DYM: variants seen among roughly 807,000 people sequenced by gnomAD.
DYM encodes the protein dymeclin.
A neutral mutation model predicts 93.1 loss-of-function variants in DYM; 78 were observed. The observed-to-expected ratio is 0.84, with a 90% confidence interval of 0.70 to 1.01. The LOEUF (loss-of-function observed/expected upper bound fraction) is 1.01, where lower values mean the gene tolerates loss of function less well. Among genes scored for constraint, DYM ranks in the 50% least tolerant of loss-of-function variants. The probability of loss-of-function intolerance (pLI) is 0.00; values close to 1 mark genes in which losing one functional copy is unlikely to be tolerated. For missense variants in DYM, 789 were observed against 845.0 expected, an observed-to-expected ratio of 0.93 and a Z score of 0.82; for synonymous variants, 321 against 319.7, an observed-to-expected ratio of 1.00 and a Z score of -0.04.
intron 17 of DYM, among the ~76,000 whole-genome samples, chr18:49,058,270 A>AGC (rs2075673161): frequency 6.6e-6 from 1 of 152,070 alleles, no homozygotes; most frequent in African/African-American, 2.4e-5. Flanking sequence ...CTCATATTTT[A>AGC]TAACACAGGC....
intron 7 of DYM, 41 bp from the exon 8 acceptor site, chr18:49,332,047 G>T: frequency 1.9e-6 from 3 of 1,580,890 alleles, no homozygotes; most frequent in Non-Finnish European, 2.6e-6. Context: ...ATATTTATGG[G>T]AGTCATCTAA....
At chr18:49,240,215 T>C (rs2093977381) in intron 13 of DYM, among the ~76,000 whole-genome samples, 1 of 152,192 alleles carries the variant, frequency 6.6e-6, no homozygotes, top group East Asian at 1.9e-4. Flanking sequence ...CATGCTCACA[T>C]CCACTCTACC....
At chr18:49,329,034 C>T (rs1016594528) in intron 8 of DYM, among the ~76,000 whole-genome samples, 3 of 151,982 alleles carry the variant, frequency 2.0e-5, no homozygotes, top group Admixed American at 2.0e-4. Context: ...GGAACTAACC[C>T]AAATGTCCAT....
chr18:49,223,617 A>G (rs969001108), intron 13 of DYM, among the ~76,000 whole-genome samples: 20 of 152,154 alleles, frequency 1.3e-4, no homozygotes, highest in Non-Finnish European at 2.4e-4. Flanking sequence ...TGGACAAACT[A>G]AATAATCAAA....
rs369189178 is a variant in DYM at position 49,415,896 on chromosome 18, C to T, written c.140+14359G>A. On this transcript the variant is annotated intron_variant, in intron 2 of 17. Transcript: ENST00000675505. ...GAGCCAAGGTCGTGCCACTGTACTCCAGCCTGGGCAACAAGAGCGAAACTC... is the reference window on the plus strand; with the variant it reads ...GAGCCAAGGTCGTGCCACTGTACTCTAGCCTGGGCAACAAGAGCGAAACTC... Among the ~76,000 whole-genome samples, 67 of 146,526 alleles carry T rather than the reference C, an allele frequency of 4.6e-4. 1 individual carries two copies. In the South Asian group the frequency reaches 0.014, roughly 30 times the overall value.
chr18:49,280,937 C>A (rs543679711), intron 10 of DYM, among the ~76,000 whole-genome samples: 34 of 152,188 alleles, frequency 2.2e-4, no homozygotes, highest in Middle Eastern at 6.8e-3. Context: ...GCAACAAAAG[C>A]CAAAATTGAC....
chr18:49,374,339 C>T (rs2067297067), intron 5 of DYM, among the ~76,000 whole-genome samples: 1 of 152,138 alleles, frequency 6.6e-6, no homozygotes, highest in East Asian at 1.9e-4. Context: ...ACATAATGGT[C>T]AATCCCAAAA....
chr18:49,120,100 AAAAAG>A (rs1268004647), intron 15 of DYM, among the ~76,000 whole-genome samples: 1 of 151,382 alleles, frequency 6.6e-6, no homozygotes, highest in Non-Finnish European at 1.5e-5. Flanking sequence ...AAAAAAGAAA[AAAAAG>A]AAAAGAAAAA....
At chr18:49,434,394 C>T (rs993111576) in intron 1 of DYM, among the ~76,000 whole-genome samples, 17 of 151,430 alleles carry the variant, frequency 1.1e-4, no homozygotes, top group Admixed American at 9.2e-4. Flanking sequence ...GTGGCAGGTA[C>T]CTGTAATCCC....
chr18:49,241,573 A>T (rs912278378), intron 13 of DYM, among the ~76,000 whole-genome samples: 1 of 152,232 alleles, frequency 6.6e-6, no homozygotes, highest in Non-Finnish European at 1.5e-5. Flanking sequence ...GTTTTGGAAG[A>T]TGGTGGTAAC....
rs537880158 is a variant in DYM, at chr18:49,264,783, T to C, written c.1252-6290A>G. On this transcript the variant is annotated intron_variant, in intron 11 of 17. Coordinates refer to ENST00000675505, the MANE Select transcript of DYM (RefSeq NM_001353214.3). The stretch of plus-strand genomic sequence containing the variant: ...CTCTAGACATGGTAATAGGTAGAAA[T>C]TGTGAAATCACAATTTTAAAGTTTT... Among the ~76,000 whole-genome samples, 8 of 152,292 alleles carry C rather than the reference T, an allele frequency of 5.3e-5. No homozygotes were observed. In the South Asian group the frequency reaches 1.0e-3, roughly 20 times the overall value.
At chr18:49,172,329 A>G (rs1367791801) in intron 14 of DYM, among the ~76,000 whole-genome samples, 1 of 152,206 alleles carries the variant, frequency 6.6e-6, no homozygotes, top group Non-Finnish European at 1.5e-5. Flanking sequence ...TTGTGTGAAC[A>G]TATGTTTTCA....
At chr18:49,214,933 G>A (rs1381448748) in intron 13 of DYM, among the ~76,000 whole-genome samples, 1 of 152,172 alleles carries the variant, frequency 6.6e-6, no homozygotes, top group Non-Finnish European at 1.5e-5. Flanking sequence ...GAGCCCAGGA[G>A]GTCATCATGT....
chr18:49,398,501 G>A (rs1355572495), intron 2 of DYM, among the ~76,000 whole-genome samples: 1 of 152,204 alleles, frequency 6.6e-6, no homozygotes, highest in Non-Finnish European at 1.5e-5. Flanking sequence ...CATAGTTTAG[G>A]GCTGTGGGAG....
chr18:49,211,173 T>G (rs1192339515), intron 13 of DYM, among the ~76,000 whole-genome samples: 1 of 152,178 alleles, frequency 6.6e-6, no homozygotes, highest in Non-Finnish European at 1.5e-5. Flanking sequence ...TTTATAATAG[T>G]GGGTGTATGA....
rs2144556495 is a variant in DYM, at chr18:49,144,966, G to A, written c.1728+18719C>T. ...AATAAAAAACTTAGTTGAGCGTGGT[G>A]ATGCGTGCCTATAGTCCCAGCTACT... On this transcript the variant is annotated intron_variant, in intron 15 of 17. Transcript: ENST00000675505. Among the ~76,000 whole-genome samples the A allele has an allele frequency of 2.0e-5, 3 of 150,852 alleles. No homozygotes were observed. In the South Asian group the frequency reaches 6.3e-4, roughly 32 times the overall value.
chr18:49,247,386 A>G (rs1432802982), intron 13 of DYM, among the ~76,000 whole-genome samples: 2 of 152,242 alleles, frequency 1.3e-5, no homozygotes, highest in African/African-American at 4.8e-5. Flanking sequence ...TGGGTGTCCT[A>G]CCAGAATCTA....
chr18:49,224,847 A>G (rs1280269473), intron 13 of DYM, among the ~76,000 whole-genome samples: 3 of 152,152 alleles, frequency 2.0e-5, no homozygotes, highest in Admixed American at 6.5e-5. Context: ...GCCAACATTT[A>G]AAGTATCACA....
chr18:49,232,753 T>C (rs1343316529), intron 13 of DYM, among the ~76,000 whole-genome samples: 1 of 151,648 alleles, frequency 6.6e-6, no homozygotes, highest in Non-Finnish European at 1.5e-5. Context: ...GGATTACAGA[T>C]GCGCGCCACC....
Sources: allele counts gnomAD v4.1 joint callset (sites outside exome capture counted in the v4.1 genomes callset), GRCh38; gene constraint gnomAD v4.1.1; transcripts MANE v1.5; gene names NCBI Gene and HGNC (gene_info 2026-07-23, HGNC 2026-07-21).